The following PLXDC1 variants were observed in gnomAD, a reference collection of about 807,000 sequenced individuals.
The protein encoded by PLXDC1 is plexin domain-containing protein 1.
Under a neutral mutation model 61.3 loss-of-function variants are expected in PLXDC1, and 39 were observed. The observed-to-expected ratio is 0.64, with a 90% CI of 0.49 to 0.83. The LOEUF (loss-of-function observed/expected upper bound fraction) is 0.83. PLXDC1 is among the 40% of genes least tolerant of loss of function. The pLI is 0.00. For synonymous variants in PLXDC1, 212 were observed against 254.5 expected (o/e 0.83, Z 1.59); for missense variants, 596 against 666.5 (o/e 0.89, Z 1.17).
chr17:39,111,307 CAG>C (rs10527620), intron 2 of PLXDC1, among the ~76,000 whole-genome samples: 6,577 of 152,244 alleles, frequency 0.043, 444 homozygotes, highest in African/African-American at 0.14. Context: ...ATTGTTGAGA[CAG>C]AGTCTCGTTC....
rs1185489059 is a variant in PLXDC1 at position 39,151,260 on chromosome 17, C to T, written c.76+102G>A. The T allele has an allele frequency of 4.5e-6, 4 of 894,534 alleles. No individual in the cohort carries two copies. In the African/African-American group the frequency reaches 6.9e-5, roughly 16 times the overall value. The allele number at this position is 894,534 out of a possible 1,614,324, so 55.4% of individuals were successfully genotyped here. ...CTGGCCTCCTGCGGACAATGCCCCCCTCGCGGACATCGCCAGGCCGTCCAC... is the reference window on the plus strand; with the variant it reads ...CTGGCCTCCTGCGGACAATGCCCCCTTCGCGGACATCGCCAGGCCGTCCAC... On this transcript the variant is annotated intron_variant, in intron 1 of 13. Coordinates refer to ENST00000315392, the MANE Select transcript of PLXDC1 (RefSeq NM_020405.5). The surrounding 1 kb of genome is among the most constrained non-coding windows in gnomAD (Gnocchi z 5.2).
chr17:39,089,892 G>C (rs1438278907), intron 7 of PLXDC1, among the ~76,000 whole-genome samples: 1 of 152,128 alleles, frequency 6.6e-6, no homozygotes, highest in Non-Finnish European at 1.5e-5. Context: ...CTGCCTCCCA[G>C]GTTCAAGCAA....
At chr17:39,116,460 ATGTGCAG>A (rs1910968635) in intron 2 of PLXDC1, among the ~76,000 whole-genome samples, 1 of 152,192 alleles carries the variant, frequency 6.6e-6, no homozygotes, top group African/African-American at 2.4e-5. Flanking sequence ...TGTGCTGAGA[ATGTGCAG>A]TGTGGCTCTG....
intron 8 of PLXDC1, among the ~76,000 whole-genome samples, chr17:39,085,117 G>A (rs1020303689): frequency 1.3e-5 from 2 of 152,246 alleles, no homozygotes; most frequent in African/African-American, 4.8e-5. Context: ...GAATTCTCAT[G>A]TGATCCATTA....
rs766276914 is a variant in PLXDC1, at chr17:39,087,620, G to T, written c.894C>A (p.Phe298Leu). ...ACCCCTACTCACTCGGCAATGGGGT[G>T]AACTCCACGGCCGACATGCTGGTGA... ...SKVTSMSAVE[F>L]TPLPTCLQHR... The change falls in exon 8 of 14, where the codon TTC becomes TTA. Residue 298 changes from phenylalanine to leucine, a missense_variant. By Grantham distance (22) the Phe-to-Leu change is conservative. Coordinates refer to ENST00000315392, the MANE Select transcript of PLXDC1 (RefSeq NM_020405.5). 3 of 1,613,306 alleles carry T rather than the reference G, an allele frequency of 1.9e-6. No individual in the cohort carries two copies. The highest frequency in any genetic ancestry group is 2.5e-6 in the Non-Finnish European group (3 of 1,179,374).
intron 2 of PLXDC1, among the ~76,000 whole-genome samples, chr17:39,135,793 A>G (rs1911731796): frequency 6.6e-6 from 1 of 152,034 alleles, no homozygotes; most frequent in Non-Finnish European, 1.5e-5. Context: ...AACAACAACA[A>G]ATTCCCAAAA....
chr17:39,146,070 C>CT (rs71141767), intron 1 of PLXDC1, among the ~76,000 whole-genome samples: 10,785 of 131,138 alleles, frequency 0.082, 1,440 homozygotes, highest in African/African-American at 0.28. Flanking sequence ...CGGCCCATTC[C>CT]TTTTTTTTTT....
chr17:39,129,556 G>A (rs1911466869), intron 2 of PLXDC1, among the ~76,000 whole-genome samples: 1 of 151,480 alleles, frequency 6.6e-6, no homozygotes, highest in Admixed American at 6.6e-5. Flanking sequence ...GGCGGAGGTT[G>A]CAGTGAGCTG....
At chr17:39,070,057 G>A in intron 12 of PLXDC1, 41 bp from the exon 13 acceptor site, 1 of 1,554,086 alleles carries the variant, frequency 6.4e-7, no homozygotes, top group Middle Eastern at 1.7e-4. Context: ...CTGCAGGGGA[G>A]CAGGGAAGGT....
upstream of PLXDC1, among the ~76,000 whole-genome samples, chr17:39,152,003 C>A (rs1259852008): frequency 1.3e-5 from 2 of 152,116 alleles, no homozygotes; most frequent in Admixed American, 1.3e-4. Context: ...CTGTTCCCCG[C>A]CCCCAGCTCC....
chr17:39,087,807 T>A, intron 7 of PLXDC1, 105 bp from the exon 8 acceptor site: 2 of 749,980 alleles, frequency 2.7e-6, no homozygotes, highest in Non-Finnish European at 4.6e-6. Context: ...CTGAAGGCAG[T>A]AAGTGCACCC....
chr17:39,098,794 T>C (rs1280972552), intron 7 of PLXDC1, among the ~76,000 whole-genome samples: 2 of 152,076 alleles, frequency 1.3e-5, no homozygotes, highest in Non-Finnish European at 2.9e-5. Context: ...GGGGACTGTG[T>C]CATACCGATG....
chr17:39,069,850 A>G lies in PLXDC1; in HGVS notation c.1383+6T>C. On this transcript the variant is annotated splice_donor_region_variant and intron_variant, in intron 13 of 13. Coordinates refer to ENST00000315392, the MANE Select transcript of PLXDC1 (RefSeq NM_020405.5). ...CAGGAGCCCTGTGGCCACAGATGAC[A>G]CGGACCTCGATGAAGAAGAGCGCAG... 6.2e-7 allele frequency: 1 copy of G among 1,612,732 alleles called. No homozygotes were observed. Among genetic ancestry groups the G allele is most frequent in the South Asian group, 1.1e-5 (1 of 91,016 alleles).
At chr17:39,072,423 G>A (rs938036546) in intron 12 of PLXDC1, 27 bp downstream of exon 12, 14 of 1,524,980 alleles carry the variant, frequency 9.2e-6, no homozygotes, top group African/African-American at 4.1e-5. Flanking sequence ...TGGGTCTGAC[G>A]CTGAGGGCAG....
chr17:39,122,723 C>G lies in PLXDC1; in HGVS notation c.256-13332G>C, dbSNP rs540633092. 4.6e-5 allele frequency among the ~76,000 whole-genome samples: 7 copies of G among 152,346 alleles called. No individual in the cohort carries two copies. The East Asian group carries it at 1.2e-3, about 25-fold the overall frequency. On this transcript the variant is annotated intron_variant, in intron 2 of 13. Transcript: ENST00000315392. ...ACAAAGGAGCTCAGTGAGGGTTACA[C>G]GAGCCACGCCGCTTGGCAAGTCCAC... is the stretch of plus-strand genomic sequence containing the variant.
Position 39,065,395 on chromosome 17 carries a change from CTTTT to C in PLXDC1, c.*2441_*2444del, listed in dbSNP as rs60090929. ...CAATGTAAGCATTTCTTTTTCCGTT[CTTTT>C]TTTTTTTTTTTTTTTCGGAGACAGG... On this transcript the variant is annotated 3_prime_UTR_variant, in exon 14 of 14. Coordinates refer to ENST00000315392, the MANE Select transcript of PLXDC1 (RefSeq NM_020405.5). 5.3e-5 allele frequency: 6 copies of C among 113,338 alleles called. No homozygotes were observed. The highest frequency in any genetic ancestry group is 5.3e-5 in the Non-Finnish European group (3 of 56,268). 7.0% of individuals were successfully genotyped at this position (113,338 alleles called of 1,614,324 possible).
rs765347197 is a variant in PLXDC1, at chr17:39,083,498, T to G, written c.950A>C (p.Asp317Ala). Residue 317 changes from aspartate (D) to alanine (A), a missense_variant, in exon 9 of 14, where the codon GAC becomes GCC. By Grantham distance (126) the Asp-to-Ala change is moderately radical. Transcript: ENST00000315392. ...HRSCDACMSS[D>A]LTFNCSWCHV... ...GCACCAGCTGCAGTTGAAGGTCAGG[T>G]CTGAGGACATGCAGGCGTCACAGCT... The G allele has an allele frequency of 1.2e-6, 2 of 1,613,906 alleles. No homozygotes were observed. Among genetic ancestry groups the G allele is most frequent in the Non-Finnish European group, 1.7e-6 (2 of 1,179,906 alleles).
intron 2 of PLXDC1, among the ~76,000 whole-genome samples, chr17:39,122,111 A>AGG (rs1167718193): frequency 7.9e-4 from 32 of 40,346 alleles, no homozygotes; most frequent in East Asian, 7.7e-3. Flanking sequence ...AAAAAAAAAA[A>AGG]GGGGGGGGGG....
intron 1 of PLXDC1, among the ~76,000 whole-genome samples, chr17:39,149,244 A>G (rs1276439060): frequency 6.6e-6 from 1 of 152,042 alleles, no homozygotes. Context: ...GCCCCCCACC[A>G]GCCCCACAAA....
Sources: allele counts gnomAD v4.1 joint callset (sites outside exome capture counted in the v4.1 genomes callset), GRCh38; gene constraint gnomAD v4.1.1; non-coding constraint Gnocchi (gnomAD v3.1); transcripts MANE v1.5; gene names NCBI Gene and HGNC (gene_info 2026-07-23, HGNC 2026-07-21).